HEATR5B: variants seen among roughly 807,000 people sequenced by gnomAD.
HEATR5B encodes the protein HEAT repeat containing 5B.
In HEATR5B, 156 loss-of-function variants were observed where a neutral mutation model predicts 224.1. That is an observed-to-expected ratio of 0.70 (90% confidence interval 0.61 to 0.80). HEATR5B has a LOEUF of 0.80. Among genes scored for constraint, HEATR5B ranks in the 30% least tolerant of loss-of-function variants. The pLI, the probability that HEATR5B is intolerant of heterozygous loss-of-function variation, is 0.00. For synonymous variants in HEATR5B, 1,027 were observed against 893.0 expected (o/e 1.15, Z -2.68); for missense variants, 2,323 against 2,535.5 (o/e 0.92, Z 1.80).
chr2:37,079,483 A>G (rs926218815), intron 2 of HEATR5B, 152 bp from the exon 3 acceptor site: 9 of 519,368 alleles, frequency 1.7e-5, no homozygotes, highest in Admixed American at 3.6e-5. Flanking sequence ...CAAGTTAATG[A>G]AAAGTTCTGT....
Position 37,013,845 on chromosome 2 carries a change from G to T in HEATR5B, c.4280C>A (p.Ala1427Glu). ...AGATTGTGGTTTAGTCGTTACCTCT[G>T]CCCAAGCTTTGAGAACAGCCAGTTT... is the stretch of plus-strand genomic sequence containing the variant. ...MEKLAVLKAW[A>E]EVYVVAMNIK... Residue 1427 changes from alanine (A) to glutamate (E), a missense_variant, in exon 27 of 36, where the codon GCA becomes GAA. This residue lies in a region of HEATR5B where 844 missense variants were observed against 812.9 expected (regional missense o/e 1.04). Transcript: ENST00000233099. The T allele has an allele frequency of 6.3e-7, 1 of 1,579,890 alleles. No individual in the cohort carries two copies. The highest frequency in any genetic ancestry group is 8.6e-7 in the Non-Finnish European group (1 of 1,161,214).
chr2:36,998,858 A>G (rs941000052), intron 33 of HEATR5B, among the ~76,000 whole-genome samples: 2 of 152,058 alleles, frequency 1.3e-5, no homozygotes, highest in Non-Finnish European at 2.9e-5. Flanking sequence ...TATATTTAAT[A>G]TAACTGACAC....
chr2:37,027,415 A>T (rs1298429524), intron 24 of HEATR5B, among the ~76,000 whole-genome samples: 1 of 152,236 alleles, frequency 6.6e-6, no homozygotes, highest in African/African-American at 2.4e-5. Flanking sequence ...AAAAGATAAA[A>T]AATAATAAGA....
chr2:37,053,218 A>T (rs575475801), intron 17 of HEATR5B, among the ~76,000 whole-genome samples: 1 of 152,352 alleles, frequency 6.6e-6, no homozygotes, highest in East Asian at 1.9e-4. Flanking sequence ...AGAATATCCG[A>T]TTTCATTCGT....
At chr2:36,985,709 T>C (rs12997671) in intron 35 of HEATR5B, among the ~76,000 whole-genome samples, 1 of 147,386 alleles carries the variant, frequency 6.8e-6, no homozygotes, top group Non-Finnish European at 1.5e-5. Context: ...TCGTGATCCA[T>C]CCGCTTTGGT....
intron 35 of HEATR5B, among the ~76,000 whole-genome samples, chr2:36,984,131 C>T (rs1194411213): frequency 2.9e-5 from 4 of 139,880 alleles, no homozygotes; most frequent in Admixed American, 7.4e-5. Flanking sequence ...ACTCGGGAGG[C>T]GGAGGTTGCA....
In HEATR5B at chr2:37,017,967, G is replaced by T. The variant is rs556089548; in HGVS notation, c.4104+1842C>A. ...TGTACCCAGTTGTGTGACATCTGAG[G>T]GTCCTTCCTATAATATCTAAGAGTT... On this transcript the variant is annotated intron_variant, in intron 26 of 35. Coordinates refer to ENST00000233099, the MANE Select transcript of HEATR5B (RefSeq NM_019024.3). Among the ~76,000 whole-genome samples, 10 of 151,986 alleles carry T rather than the reference G, an allele frequency of 6.6e-5. 1 individual carries two copies. In the South Asian group the frequency reaches 1.9e-3, roughly 28 times the overall value.
chr2:37,007,225 C>A lies in HEATR5B; in HGVS notation c.4602G>T (p.Ala1534=). Residue 1534 remains alanine, a synonymous_variant, in exon 29 of 36, where the codon GCG becomes GCT. Coordinates refer to ENST00000233099, the MANE Select transcript of HEATR5B (RefSeq NM_019024.3). The part of the protein sequence containing the change: ...YRNSWAPILH[A]VALWLNSTGF... ...CTGTGCTATTTAACCAAAGTGCCAC[C>A]GCATGGAGAATTGGGGCCCAGGAAT... 6.2e-7 allele frequency: 1 copy of A among 1,613,916 alleles called. No individual in the cohort carries two copies.
intron 15 of HEATR5B, 27 bp downstream of exon 15, chr2:37,057,290 T>G: frequency 6.5e-7 from 1 of 1,533,332 alleles, no homozygotes; most frequent in Non-Finnish European, 8.9e-7. Context: ...ATTAAGTTAG[T>G]ATTTCATTTT....
At chr2:37,009,050 G>C (rs1667616897) in intron 27 of HEATR5B, among the ~76,000 whole-genome samples, 2 of 152,026 alleles carry the variant, frequency 1.3e-5, no homozygotes, top group Non-Finnish European at 1.5e-5. Flanking sequence ...ATGAGGTCAA[G>C]AGATTGAGAC....
Position 37,057,447 on chromosome 2 carries a change from G to A in HEATR5B, c.2093C>T (p.Ala698Val), listed in dbSNP as rs763675912. Reference sequence around the variant, plus strand: ...TGAGTTGTCAGTCAAAGTGAATTCCGCTACCAGTTCTCTAAGAAGTGCATT... The same window carrying A: ...TGAGTTGTCAGTCAAAGTGAATTCCACTACCAGTTCTCTAAGAAGTGCATT... ...SFNALLRELV[A>V]EFTLTDNSAN... The change falls in exon 15 of 36, where the codon GCG becomes GTG. Residue 698 changes from alanine (A) to valine (V), a missense_variant. By Grantham distance (64) the Ala-to-Val change is moderately conservative (BLOSUM62 0). Around this residue, in one of 12 missense-constraint regions of HEATR5B, gnomAD observed 502 missense variants for 517.8 expected, o/e 0.97. Coordinates refer to ENST00000233099, the MANE Select transcript of HEATR5B (RefSeq NM_019024.3). 2 of 1,609,904 alleles carry A rather than the reference G, an allele frequency of 1.2e-6. No homozygotes were observed. The highest frequency in any genetic ancestry group is 1.7e-6 in the Non-Finnish European group (2 of 1,178,186).
chr2:37,028,251 A>T (rs552381815), intron 23 of HEATR5B, 77 bp from the exon 24 acceptor site: 27 of 873,788 alleles, frequency 3.1e-5, no homozygotes, highest in Admixed American at 3.8e-5. Flanking sequence ...TAATATTAAA[A>T]TTTTTTTAAT....
Position 37,072,201 on chromosome 2 carries a change from A to C in HEATR5B, c.678T>G (p.Ala226=), listed in dbSNP as rs1484421528. 4 of 1,613,872 alleles carry C rather than the reference A, an allele frequency of 2.5e-6. No individual in the cohort carries two copies. Among genetic ancestry groups the C allele is most frequent in the Non-Finnish European group, 2.5e-6 (3 of 1,179,886 alleles). ...LENIATLCFK[A]LENSNYGVRV... Reference sequence around the variant, plus strand: ...GTACCCCATAATTTGAGTTTTCCAAAGCCTTAAAGCAGAGAGTGGCTATAT... The same window carrying C: ...GTACCCCATAATTTGAGTTTTCCAACGCCTTAAAGCAGAGAGTGGCTATAT... Residue 226 remains alanine (A), a synonymous_variant, in exon 6 of 36, where the codon GCT becomes GCG. Transcript: ENST00000233099.
chr2:36,989,556 A>G (rs1666179563), intron 34 of HEATR5B, among the ~76,000 whole-genome samples: 1 of 152,162 alleles, frequency 6.6e-6, no homozygotes. Flanking sequence ...CATTGCTTAG[A>G]TATCTCAAAA....
intron 33 of HEATR5B, among the ~76,000 whole-genome samples, chr2:36,995,898 T>G (rs1666668872): frequency 6.6e-6 from 1 of 152,082 alleles, no homozygotes; most frequent in South Asian, 2.1e-4. Context: ...ATGCTTCTAT[T>G]TTTTGGAGAC....
chr2:37,019,743 G>C (rs1023943543), intron 26 of HEATR5B, 66 bp downstream of exon 26: 3 of 1,174,484 alleles, frequency 2.6e-6, no homozygotes, highest in African/African-American at 3.1e-5. Flanking sequence ...CTTTACACAA[G>C]TTAAATTCTA....
chr2:37,075,694 C>G (rs1278681565), intron 4 of HEATR5B, 60 bp from the exon 5 acceptor site: 2 of 1,374,798 alleles, frequency 1.5e-6, no homozygotes, highest in Non-Finnish European at 2.0e-6. Context: ...TAAACAAGAA[C>G]ACACCAAGAC....
rs753228190 is a variant in HEATR5B at position 37,007,299 on chromosome 2, C to T, written c.4528G>A (p.Ala1510Thr). Residue 1510 changes from alanine (A) to threonine (T), a missense_variant, in exon 29 of 36, where the codon GCA becomes ACA. Around this residue, in one of 12 missense-constraint regions of HEATR5B, gnomAD observed 844 missense variants for 812.9 expected, o/e 1.04. Coordinates refer to ENST00000233099, the MANE Select transcript of HEATR5B (RefSeq NM_019024.3). ...FSSQLPPDGG[A>T]FYTPETIDTA... ...TCAATAGTTTCAGGGGTATAAAATG[C>T]TCCACCTGTAAAGCAATCAAATCAA... The T allele has an allele frequency of 2.5e-6, 4 of 1,610,846 alleles. No homozygotes were observed. Among genetic ancestry groups the T allele is most frequent in the South Asian group, 2.2e-5 (2 of 90,852 alleles).
At chr2:37,081,304 T>A (rs1366874831) in intron 2 of HEATR5B, among the ~76,000 whole-genome samples, 1 of 152,220 alleles carries the variant, frequency 6.6e-6, no homozygotes, top group African/African-American at 2.4e-5. Flanking sequence ...ATGTGCCATG[T>A]TGGTGTGCTG....
Sources: gnomAD v4.1 joint callset for allele counts (sites outside exome capture counted in the v4.1 genomes callset) on GRCh38, gnomAD v4.1.1 for gene constraint, gnomAD v4.1.1 regional missense constraint, MANE v1.5 for transcripts, NCBI Gene and HGNC (gene_info 2026-07-23, HGNC 2026-07-21) for gene names.